PCYT2: variants seen among roughly 807,000 people sequenced by gnomAD.
PCYT2 encodes the protein phosphate cytidylyltransferase 2, ethanolamine, also known as ethanolamine-phosphate cytidylyltransferase.
A neutral mutation model predicts 50.0 loss-of-function variants in PCYT2; 33 were observed. That is an observed-to-expected ratio of 0.66 (90% CI 0.50 to 0.88). The LOEUF (loss-of-function observed/expected upper bound fraction) is 0.88. PCYT2 is among the 40% of genes least tolerant of loss of function. PCYT2 has a pLI of 0.00. For synonymous variants in PCYT2, 240 were observed against 203.7 expected (o/e 1.18, Z -1.52); for missense variants, 430 against 519.7 (o/e 0.83, Z 1.68).
chr17:81,902,784 G>T lies in PCYT2; in HGVS notation c.*2049C>A, dbSNP rs753367714. The T allele has an allele frequency of 1.3e-6, 2 of 1,567,136 alleles. No homozygotes were observed. The highest frequency in any genetic ancestry group is 1.2e-5 in the South Asian group (1 of 85,706). On this transcript the variant is annotated 3_prime_UTR_variant, in exon 13 of 13. Transcript: ENST00000538936. The stretch of plus-strand genomic sequence containing the variant: ...CTCCTGGCACCGCTGGGGGCCCCCC[G>T]CCCCCACCGTCCCACTCGGTGACCC...
intron 6 of PCYT2, 109 bp downstream of exon 6, chr17:81,907,445 A>G (rs2040333708): frequency 7.8e-7 from 1 of 1,277,524 alleles, no homozygotes; most frequent in East Asian, 2.5e-5. Flanking sequence ...GGACAGAGGG[A>G]GGAGGGTGAG....
intron 5 of PCYT2, 83 bp downstream of exon 5, chr17:81,907,690 G>C: frequency 6.3e-7 from 1 of 1,592,198 alleles, no homozygotes; most frequent in Non-Finnish European, 8.6e-7. Flanking sequence ...TGGGCAGGAG[G>C]ACCCTGAGAG....
At chr17:81,909,077 A>C (rs760788621) in intron 2 of PCYT2, 40 bp from the exon 3 acceptor site, 12 of 1,592,384 alleles carry the variant, frequency 7.5e-6, no homozygotes, top group South Asian at 5.6e-5. Flanking sequence ...ACCCCAGCCC[A>C]CCCGGCCCCT....
chr17:81,905,122 A>C lies in PCYT2; in HGVS notation c.1002T>G (p.Ile334Met). The change falls in exon 12 of 13, where the codon ATT (isoleucine) becomes ATG (methionine). Residue 334 changes from isoleucine to methionine, a missense_variant. Physicochemically the swap from Ile to Met is conservative, Grantham distance 10. Transcript: ENST00000538936. ...CTGTGGTGAGGTTGCTGCCACTGTCAATCTGACGGAAGATGCCCCTTCTCT... is the reference window on the plus strand; with the variant it reads ...CTGTGGTGAGGTTGCTGCCACTGTCCATCTGACGGAAGATGCCCCTTCTCT... The part of the protein sequence containing the change: ...EPKRRGIFRQ[I>M]DSGSNLTTDL... 6.2e-7 allele frequency: 1 copy of C among 1,613,352 alleles called. No homozygotes were observed. The highest frequency in any genetic ancestry group is 1.1e-5 in the South Asian group (1 of 91,032).
chr17:81,902,243 C>T lies in PCYT2; in HGVS notation c.*2590G>A, dbSNP rs2039979822. On this transcript the variant is annotated 3_prime_UTR_variant, in exon 13 of 13. Coordinates refer to ENST00000538936, the MANE Select transcript of PCYT2 (RefSeq NM_002861.5). Reference sequence around the variant, plus strand: ...GCCCAGGCGGTGGCTGCTCCGAGCCCGGACGCCGCCGCCCACCAGTCAGCC... The same window carrying T: ...GCCCAGGCGGTGGCTGCTCCGAGCCTGGACGCCGCCGCCCACCAGTCAGCC... The T allele has an allele frequency of 2.4e-6, 3 of 1,228,822 alleles. No individual in the cohort carries two copies. The highest frequency in any genetic ancestry group is 2.0e-6 in the Non-Finnish European group (2 of 986,144). The allele number at this position is 1,228,822 out of a possible 1,614,324, so 76.1% of individuals were successfully genotyped here. A position where few individuals can be genotyped will look rare whatever the true frequency, so the allele number is the denominator to read the frequency against.
Position 81,902,727 on chromosome 17 carries a change from A to C in PCYT2, c.*2106T>G, listed in dbSNP as rs1225828454. The C allele has an allele frequency of 6.2e-7, 1 of 1,608,056 alleles. No homozygotes were observed. Among genetic ancestry groups the C allele is most frequent in the Admixed American group, 1.7e-5 (1 of 59,842 alleles). ...CGAACGTCTTCCTGTCCCTGCGCGC[A>C]GCCGACTGCCTCGCCGCCTGAGCCC... On this transcript the variant is annotated 3_prime_UTR_variant, in exon 13 of 13. Transcript: ENST00000538936.
At position 81,902,088 on chromosome 17, in the gene PCYT2, C is replaced by T; in HGVS notation, c.*2745G>A. On this transcript the variant is annotated 3_prime_UTR_variant, in exon 13 of 13. Coordinates refer to ENST00000538936, the MANE Select transcript of PCYT2 (RefSeq NM_002861.5). ...TCCTTGCGCGCCTCCAGCGCTCGCC[C>T]GCGCGGCTGGTTCCTTTGGGATGCG... The T allele has an allele frequency of 2.5e-6, 1 of 394,142 alleles. No individual in the cohort carries two copies. Among genetic ancestry groups the T allele is most frequent in the Non-Finnish European group, 4.0e-6 (1 of 248,418 alleles). 24.4% of individuals were successfully genotyped at this position (394,142 alleles called of 1,614,324 possible).
In PCYT2 at chr17:81,904,477, C is replaced by A. The variant is rs1228145594; in HGVS notation, c.*356G>T. On this transcript the variant is annotated 3_prime_UTR_variant, in exon 13 of 13. Transcript: ENST00000538936. ...CTGCTCCCTAAAGCCCTCTGCTCTG[C>A]ACCTCCCGCCACAGCTGGGTGGGCA... 3 of 272,064 alleles carry A rather than the reference C, an allele frequency of 1.1e-5. No homozygotes were observed. The highest frequency in any genetic ancestry group is 2.1e-5 in the Non-Finnish European group (3 of 141,618). 16.9% of individuals were successfully genotyped at this position (272,064 alleles called of 1,614,324 possible). A position where few individuals can be genotyped will look rare whatever the true frequency, so the allele number is the denominator to read the frequency against.
chr17:81,902,652 G>A lies in PCYT2; in HGVS notation c.*2181C>T. On this transcript the variant is annotated 3_prime_UTR_variant, in exon 13 of 13. Transcript: ENST00000538936. ...GCGTCCAGGACGTCGCCCCAAACCT[G>A]CAGAGGTGCGAGCGGCTCCCCGACG... 6.2e-7 allele frequency: 1 copy of A among 1,606,046 alleles called. No homozygotes were observed. Among genetic ancestry groups the A allele is most frequent in the Non-Finnish European group, 8.5e-7 (1 of 1,178,050 alleles).
rs146062347 is a variant in PCYT2 at position 81,909,354 on chromosome 17, T to C, written c.178+160A>G. 7.6e-5 allele frequency: 110 copies of C among 1,441,568 alleles called. No individual in the cohort carries two copies. The African/African-American group carries it at 1.3e-3, about 16-fold the overall frequency. 89.3% of individuals were successfully genotyped at this position (1,441,568 alleles called of 1,614,324 possible). ...AGGAAATGCAAGATGGGAAAGGCAT[T>C]AGGCCATCCTCAGCTGGGGCTGGGC... is the stretch of plus-strand genomic sequence containing the variant. On this transcript the variant is annotated intron_variant, in intron 2 of 12. Transcript: ENST00000538936.
rs1167364348 is a variant in PCYT2, at chr17:81,904,663, G to A, written c.*170C>T. On this transcript the variant is annotated 3_prime_UTR_variant, in exon 13 of 13. Transcript: ENST00000538936. ...TCTGAGCAGCTTTGCTGGAAAGAGC[G>A]GAGAGCCTGCTGCAAACCAGGCACC... 1.5e-5 allele frequency: 9 copies of A among 592,962 alleles called. No homozygotes were observed. The highest frequency in any genetic ancestry group is 5.9e-5 in the Admixed American group (2 of 33,726). The allele number at this position is 592,962 out of a possible 1,614,324, so 36.7% of individuals were successfully genotyped here.
intron 4 of PCYT2, 39 bp downstream of exon 4, chr17:81,908,529 C>A: frequency 6.6e-7 from 1 of 1,522,580 alleles, no homozygotes; most frequent in South Asian, 1.1e-5. Context: ...AGCCCCGTGT[C>A]CAGCTCCCTG....
rs781281274 is a variant in PCYT2, at chr17:81,904,908, G to C, written c.1095C>G (p.Ala365=). The change falls in exon 13 of 13, where the codon GCC becomes GCG. Residue 365 remains alanine, a synonymous_variant. Transcript: ENST00000538936. Reference sequence around the variant, plus strand: ...CAGCCTCCAGGAAGGCCAGCTCCTTGGCTTCCTTCTTCTGGTTTCGCGCCT... The same window carrying C: ...CAGCCTCCAGGAAGGCCAGCTCCTTCGCTTCCTTCTTCTGGTTTCGCGCCT... ...EYEARNQKKE[A]KELAFLEAAR... 7.4e-6 allele frequency: 12 copies of C among 1,613,024 alleles called. No individual in the cohort carries two copies. The Admixed American group carries it at 1.8e-4, about 25-fold the overall frequency.
rs946145525 is a variant in PCYT2 at position 81,902,880 on chromosome 17, GAATA to G, written c.*1949_*1952del. On this transcript the variant is annotated 3_prime_UTR_variant, in exon 13 of 13. Transcript: ENST00000538936. ...GCTCACCCCGCAGTTAATGGCAAAC[GAATA>G]AATAAATGAGGCGGCCTCGGAGTGA... is the stretch of plus-strand genomic sequence containing the variant. The G allele has an allele frequency of 5.1e-5, 40 of 780,476 alleles. No individual in the cohort carries two copies. Among genetic ancestry groups the G allele is most frequent in the South Asian group, 1.5e-4 (7 of 47,246 alleles). The allele number at this position is 780,476 out of a possible 1,614,324, so 48.3% of individuals were successfully genotyped here. A position where few individuals can be genotyped will look rare whatever the true frequency, so the allele number is the denominator to read the frequency against.
chr17:81,911,006 A>G (rs1252581311), intron 1 of PCYT2: 5 of 995,242 alleles, frequency 5.0e-6, no homozygotes, highest in African/African-American at 1.7e-5. Context: ...TCCAGATCTC[A>G]GCGCGGTGGC....
chr17:81,905,587 A>G, intron 10 of PCYT2, 83 bp downstream of exon 10: 1 of 1,469,690 alleles, frequency 6.8e-7, no homozygotes. Flanking sequence ...CCCGCCTAGG[A>G]GCCCACAGCC....
rs1236301464 is a variant in PCYT2, at chr17:81,902,580, G to A, written c.*2253C>T. ...GGGGCGGCGGCAGGACGTGGGTGGG[G>A]GTGCGGCGGCCCCTCAGCCTTTGCT... is the stretch of plus-strand genomic sequence containing the variant. On this transcript the variant is annotated 3_prime_UTR_variant, in exon 13 of 13. Transcript: ENST00000538936. 2.1e-5 allele frequency: 32 copies of A among 1,518,610 alleles called. No homozygotes were observed. The highest frequency in any genetic ancestry group is 2.5e-5 in the Non-Finnish European group (28 of 1,138,784). The allele number at this position is 1,518,610 out of a possible 1,614,324, so 94.1% of individuals were successfully genotyped here.
Position 81,909,355 on chromosome 17 carries a change from A to T in PCYT2, c.178+159T>A, listed in dbSNP as rs1466458887. ...GGAAATGCAAGATGGGAAAGGCATT[A>T]GGCCATCCTCAGCTGGGGCTGGGCT... is the stretch of plus-strand genomic sequence containing the variant. On this transcript the variant is annotated intron_variant, in intron 2 of 12. Coordinates refer to ENST00000538936, the MANE Select transcript of PCYT2 (RefSeq NM_002861.5). The T allele has an allele frequency of 2.9e-5, 42 of 1,442,954 alleles. No individual in the cohort carries two copies. In the East Asian group the frequency reaches 1.0e-3, roughly 34 times the overall value. 89.4% of individuals were successfully genotyped at this position (1,442,954 alleles called of 1,614,324 possible).
At chr17:81,907,741 C>T (rs2143699137) in intron 5 of PCYT2, 32 bp downstream of exon 5, 3 of 1,609,196 alleles carry the variant, frequency 1.9e-6, no homozygotes, top group Non-Finnish European at 2.5e-6. Flanking sequence ...GACCTCGACC[C>T]AGGGGCCTCG....
Sources: gnomAD v4.1 joint callset for allele counts on GRCh38, gnomAD v4.1.1 for gene constraint, MANE v1.5 for transcripts, NCBI Gene and HGNC (gene_info 2026-07-23, HGNC 2026-07-21) for gene names.